The following TBC1D5 variants were observed in gnomAD, a reference collection of about 807,000 sequenced individuals.
TBC1D5 encodes TBC1 domain family member 5.
TBC1D5 carries 75 observed loss-of-function variants against 100.3 expected under a neutral mutation model. That is an observed-to-expected ratio of 0.75 (90% CI 0.62 to 0.91). The LOEUF (loss-of-function observed/expected upper bound fraction) is 0.91. Among genes scored for constraint, TBC1D5 ranks in the 40% least tolerant of loss-of-function variants. The probability of loss-of-function intolerance (pLI) is 0.00; values close to 1 mark genes in which losing one functional copy is unlikely to be tolerated. For missense variants in TBC1D5, 910 were observed against 942.4 expected (o/e 0.97, Z 0.45); for synonymous variants, 323 against 325.6 (o/e 0.99, Z 0.09).
chr3:17,531,379 G>T (rs1217590681), intron 2 of TBC1D5, among the ~76,000 whole-genome samples: 1 of 152,136 alleles, frequency 6.6e-6, no homozygotes, highest in Admixed American at 6.5e-5. Context: ...TGGGTAGGAA[G>T]AATCAATATC....
At chr3:17,405,187 T>C (rs2093739805) in intron 5 of TBC1D5, among the ~76,000 whole-genome samples, 1 of 151,972 alleles carries the variant, frequency 6.6e-6, no homozygotes, top group African/African-American at 2.4e-5. Flanking sequence ...ACAAAAGCTA[T>C]ACCACAAAAT....
At chr3:17,387,467 G>A (rs2093200117) in intron 8 of TBC1D5, among the ~76,000 whole-genome samples, 1 of 151,958 alleles carries the variant, frequency 6.6e-6, no homozygotes, top group Admixed American at 6.6e-5. Context: ...CAATAACATA[G>A]TTCCTACAAA....
intron 1 of TBC1D5, among the ~76,000 whole-genome samples, chr3:17,625,568 A>G (rs2062983557): frequency 6.6e-6 from 1 of 152,120 alleles, no homozygotes; most frequent in East Asian, 1.9e-4. Context: ...GACTGAGAAT[A>G]CAGAAGGCAT....
At chr3:17,687,230 T>C (rs951768409) in intron 1 of TBC1D5, among the ~76,000 whole-genome samples, 2 of 152,040 alleles carry the variant, frequency 1.3e-5, no homozygotes, top group Non-Finnish European at 2.9e-5. Flanking sequence ...TCTACAGTCA[T>C]AAAAAATGTT....
intron 3 of TBC1D5, among the ~76,000 whole-genome samples, chr3:17,451,677 A>C (rs1257221693): frequency 2.6e-5 from 4 of 152,198 alleles, no homozygotes; most frequent in Non-Finnish European, 5.9e-5. Context: ...AATGTGGATG[A>C]CGGGTTAATG....
chr3:17,372,256 A>C lies in TBC1D5; in HGVS notation c.823-9T>G, dbSNP rs746104069. 1 of 1,596,830 alleles carries C rather than the reference A, an allele frequency of 6.3e-7. No homozygotes were observed. The highest frequency in any genetic ancestry group is 1.7e-5 in the Admixed American group (1 of 57,846). On this transcript the variant is annotated splice_polypyrimidine_tract_variant and intron_variant, in intron 12 of 21. Transcript: ENST00000253692. The stretch of plus-strand genomic sequence containing the variant: ...ATCAGTGTTTCTTTCCCCTAAAAAC[A>C]GAAAAATTGAACATGTATTATTTAA...
intron 16 of TBC1D5, among the ~76,000 whole-genome samples, chr3:17,244,921 C>T (rs892618804): frequency 6.7e-6 from 1 of 149,472 alleles, no homozygotes; most frequent in African/African-American, 2.5e-5. Flanking sequence ...TGTGGTGGCT[C>T]AGTCCTGTAA....
At chr3:17,479,286 C>T (rs1310631398) in intron 3 of TBC1D5, among the ~76,000 whole-genome samples, 1 of 151,928 alleles carries the variant, frequency 6.6e-6, no homozygotes, top group Non-Finnish European at 1.5e-5. Flanking sequence ...ACCTGAAGTC[C>T]CAGCTACTCC....
intron 3 of TBC1D5, among the ~76,000 whole-genome samples, chr3:17,435,315 C>A (rs2094516226): frequency 2.0e-5 from 3 of 152,158 alleles, no homozygotes; most frequent in Admixed American, 2.0e-4. Context: ...TACCAATTTA[C>A]TGTATTAGTA....
intron 13 of TBC1D5, among the ~76,000 whole-genome samples, chr3:17,308,828 A>AT (rs765998683): frequency 6.6e-6 from 1 of 152,154 alleles, no homozygotes; most frequent in Non-Finnish European, 1.5e-5. Context: ...CAGAGTAAAC[A>AT]TAAGCAGCTA....
At chr3:17,585,342 C>A (rs1397680489) in intron 2 of TBC1D5, among the ~76,000 whole-genome samples, 1 of 152,168 alleles carries the variant, frequency 6.6e-6, no homozygotes, top group South Asian at 2.1e-4. Flanking sequence ...CATCAGGATG[C>A]ACATACAATT....
chr3:17,409,797 G>C (rs1282178282), intron 4 of TBC1D5, among the ~76,000 whole-genome samples: 7 of 152,124 alleles, frequency 4.6e-5, no homozygotes. Flanking sequence ...AGAAAGGTGA[G>C]GAAGCTGCCA....
intron 1 of TBC1D5, among the ~76,000 whole-genome samples, chr3:17,675,303 G>A (rs1560437788): frequency 6.6e-6 from 1 of 152,046 alleles, no homozygotes; most frequent in Non-Finnish European, 1.5e-5. Flanking sequence ...TACACATCAT[G>A]CCTAAGATAT....
intron 2 of TBC1D5, among the ~76,000 whole-genome samples, chr3:17,559,549 T>G (rs982265691): frequency 6.6e-6 from 1 of 152,084 alleles, no homozygotes; most frequent in African/African-American, 2.4e-5. Context: ...TCATACATTG[T>G]GAGAATGTGG....
At chr3:17,729,925 A>G (rs1156604902) in intron 1 of TBC1D5, among the ~76,000 whole-genome samples, 2 of 152,096 alleles carry the variant, frequency 1.3e-5, no homozygotes, top group Non-Finnish European at 2.9e-5. Flanking sequence ...CCTGAACAAC[A>G]TGGTGAAACC....
At chr3:17,494,583 G>C (rs1446411819) in intron 3 of TBC1D5, among the ~76,000 whole-genome samples, 1 of 152,140 alleles carries the variant, frequency 6.6e-6, no homozygotes, top group Admixed American at 6.5e-5. Context: ...GGAGATCAGA[G>C]TTCTGTCTGT....
At chr3:17,528,220 C>T (rs1208359641) in intron 2 of TBC1D5, among the ~76,000 whole-genome samples, 2 of 152,154 alleles carry the variant, frequency 1.3e-5, no homozygotes, top group Non-Finnish European at 2.9e-5. Flanking sequence ...CCACCGTACC[C>T]AGCCCCCAGT....
intron 13 of TBC1D5, among the ~76,000 whole-genome samples, chr3:17,349,744 A>G (rs534991274): frequency 5.9e-5 from 9 of 152,194 alleles, no homozygotes; most frequent in Non-Finnish European, 1.2e-4. Flanking sequence ...AGAAGAGCTC[A>G]TTTCTGAGGT....
At chr3:17,466,766 CT>C (rs140218778) in intron 3 of TBC1D5, among the ~76,000 whole-genome samples, 57 of 147,986 alleles carry the variant, frequency 3.9e-4, no homozygotes, top group Admixed American at 8.1e-4. Context: ...TGCAAAATTA[CT>C]TTTTTTTTTA....
Sources: allele counts gnomAD v4.1 joint callset (sites outside exome capture counted in the v4.1 genomes callset), GRCh38; gene constraint gnomAD v4.1.1; transcripts MANE v1.5; gene names NCBI Gene and HGNC (gene_info 2026-07-23, HGNC 2026-07-21).